EOGT: variants seen among roughly 807,000 people sequenced by gnomAD.
EOGT encodes the protein EGF domain-specific O-linked N-acetylglucosamine transferase.
A neutral mutation model predicts 70.5 loss-of-function variants in EOGT; 55 were observed. That is an observed-to-expected ratio of 0.78 (90% CI 0.63 to 0.98). EOGT has a LOEUF of 0.98. EOGT is among the 50% of genes least tolerant of loss of function. EOGT has a pLI of 0.00. For synonymous variants in EOGT, 246 were observed against 217.1 expected (o/e 1.13, Z -1.17); for missense variants, 703 against 641.9 (o/e 1.10, Z -1.03).
At chr3:68,988,805 T>A in intron 11 of EOGT, 120 bp downstream of exon 11, 1 of 653,320 alleles carries the variant, frequency 1.5e-6, no homozygotes, top group Non-Finnish European at 2.5e-6. Context: ...ATAAAAGAAA[T>A]TCAGAAATTC....
chr3:69,005,331 C>T (rs2091413554), intron 6 of EOGT, 97 bp from the exon 7 acceptor site: 5 of 620,112 alleles, frequency 8.1e-6, no homozygotes, highest in Non-Finnish European at 1.4e-5. Flanking sequence ...GATACCCTCA[C>T]ATTCAAACCA....
At chr3:68,995,550 C>A (rs960883545) in intron 10 of EOGT, among the ~76,000 whole-genome samples, 1 of 152,096 alleles carries the variant, frequency 6.6e-6, no homozygotes, top group African/African-American at 2.4e-5. Flanking sequence ...GGTGGCCGTG[C>A]ATCCTACTCC....
At chr3:68,983,352 T>G (rs2090706623) in intron 14 of EOGT, among the ~76,000 whole-genome samples, 1 of 152,236 alleles carries the variant, frequency 6.6e-6, no homozygotes, top group Non-Finnish European at 1.5e-5. Context: ...CCTCATCCTC[T>G]GAAAATACTA....
chr3:68,999,749 C>T (rs190000766), intron 9 of EOGT, among the ~76,000 whole-genome samples: 2,349 of 152,196 alleles, frequency 0.015, 86 homozygotes, highest in Non-Finnish European at 0.014. Flanking sequence ...AGCTCTTTCA[C>T]GTAACATTTA....
At chr3:69,008,287 G>T in intron 5 of EOGT, 141 bp downstream of exon 5, 1 of 660,304 alleles carries the variant, frequency 1.5e-6, no homozygotes. Context: ...TAGTCAAGTT[G>T]AATTCATGAC....
intron 15 of EOGT, among the ~76,000 whole-genome samples, chr3:68,981,131 T>C (rs2090628511): frequency 6.6e-6 from 1 of 152,122 alleles, no homozygotes; most frequent in African/African-American, 2.4e-5. Context: ...CTGGGCCAAC[T>C]CAGAAGACTG....
intron 3 of EOGT, among the ~76,000 whole-genome samples, chr3:69,011,143 C>A (rs997886488): frequency 6.7e-6 from 1 of 150,082 alleles, no homozygotes; most frequent in Non-Finnish European, 1.5e-5. Context: ...TCCTATATAT[C>A]CCAGACAATG....
chr3:68,982,392 C>T (rs975102164), intron 15 of EOGT, among the ~76,000 whole-genome samples: 6 of 151,910 alleles, frequency 3.9e-5, no homozygotes, highest in African/African-American at 1.5e-4. Context: ...TGGTGGCACA[C>T]GCCTGTAGTC....
intron 10 of EOGT, among the ~76,000 whole-genome samples, chr3:68,992,890 C>G (rs1217433168): frequency 6.6e-6 from 1 of 152,230 alleles, no homozygotes; most frequent in East Asian, 1.9e-4. Context: ...TTGGGGCTTC[C>G]ACCCTCTGAA....
At chr3:69,002,250 C>G (rs565696766) in intron 8 of EOGT, among the ~76,000 whole-genome samples, 1 of 152,282 alleles carries the variant, frequency 6.6e-6, no homozygotes, top group East Asian at 1.9e-4. Context: ...GCCAACTCAG[C>G]CAAGCTGCTC....
intron 9 of EOGT, among the ~76,000 whole-genome samples, chr3:68,999,737 T>A (rs1298540597): frequency 6.6e-6 from 1 of 152,170 alleles, no homozygotes; most frequent in Non-Finnish European, 1.5e-5. Flanking sequence ...AGAGCACACA[T>A]GAGCTCTTTC....
intron 10 of EOGT, among the ~76,000 whole-genome samples, chr3:68,996,229 C>A (rs2091143213): frequency 6.6e-6 from 1 of 152,160 alleles, no homozygotes. Flanking sequence ...GAATTATAGT[C>A]TCATCAGACT....
At chr3:68,977,990 G>C (rs1325966755) in intron 17 of EOGT, among the ~76,000 whole-genome samples, 2 of 152,204 alleles carry the variant, frequency 1.3e-5, no homozygotes, top group African/African-American at 4.8e-5. Context: ...AACAACTAGA[G>C]ACAGTGCATA....
chr3:68,998,139 T>C, intron 9 of EOGT, 25 bp from the exon 10 acceptor site: 1 of 1,239,790 alleles, frequency 8.1e-7, no homozygotes, highest in Non-Finnish European at 1.2e-6. Flanking sequence ...TGAAACTACA[T>C]TAATTAACAC....
At chr3:68,987,164 G>A (rs1434662242) in intron 14 of EOGT, among the ~76,000 whole-genome samples, 7 of 152,154 alleles carry the variant, frequency 4.6e-5, no homozygotes, top group Non-Finnish European at 8.8e-5. Context: ...TTGTCTGTCC[G>A]GATGCCCTCT....
chr3:69,004,174 T>A lies in EOGT; in HGVS notation c.620+204A>T, dbSNP rs568740379. ...ATTTTTTTCTTTCATTAGCAAACAG[T>A]AAGTACTGTATCTACTATTATAAAC... On this transcript the variant is annotated intron_variant, in intron 8 of 17. Transcript: ENST00000383701. 9.8e-5 allele frequency among the ~76,000 whole-genome samples: 15 copies of A among 152,334 alleles called. 2 individuals carry two copies. Among genetic ancestry groups the A allele is most frequent in the African/African-American group, 3.6e-4 (15 of 41,578 alleles).
chr3:69,004,422 A>G lies in EOGT; in HGVS notation c.576T>C (p.Arg192=). ...EIGGHCKLDI[R]TLTSEGQRKS... is the part of the protein sequence containing the mutation. Reference sequence around the variant, plus strand: ...TGCGCTGACCTTCAGACGTCAATGTACGGATGTCAAGTTTACAGTGCCCTC... The same window carrying G: ...TGCGCTGACCTTCAGACGTCAATGTGCGGATGTCAAGTTTACAGTGCCCTC... Residue 192 remains arginine (R), a synonymous_variant, in exon 8 of 18, where the codon CGT becomes CGC. Coordinates refer to ENST00000383701, the MANE Select transcript of EOGT (RefSeq NM_001278689.2). 1 of 1,614,190 alleles carries G rather than the reference A, an allele frequency of 6.2e-7. No homozygotes were observed. Among genetic ancestry groups the G allele is most frequent in the Non-Finnish European group, 8.5e-7 (1 of 1,180,012 alleles).
chr3:68,980,004 C>T (rs1358126138), intron 15 of EOGT, among the ~76,000 whole-genome samples: 2 of 152,156 alleles, frequency 1.3e-5, no homozygotes, highest in Non-Finnish European at 2.9e-5. Context: ...GCTCACCTAT[C>T]CTTTTAGGTT....
chr3:69,001,366 C>T (rs941699299), intron 9 of EOGT, among the ~76,000 whole-genome samples: 2 of 152,114 alleles, frequency 1.3e-5, no homozygotes, highest in African/African-American at 4.8e-5. Context: ...CTTCACCTCT[C>T]GTCCTTTGAT....
Sources: gnomAD v4.1 joint callset for allele counts (sites outside exome capture counted in the v4.1 genomes callset) on GRCh38, gnomAD v4.1.1 for gene constraint, MANE v1.5 for transcripts, NCBI Gene and HGNC (gene_info 2026-07-23, HGNC 2026-07-21) for gene names.